GPC3: variants seen among roughly 807,000 people sequenced by gnomAD.
GPC3 encodes glypican-3.
In GPC3, 3 loss-of-function variants were observed where a neutral mutation model predicts 34.4. The observed-to-expected ratio is 0.09, with a 90% CI of 0.04 to 0.23. GPC3 has a LOEUF of 0.23. Ranked by LOEUF, GPC3 falls within the 10% of genes least tolerant of loss-of-function variation. GPC3 has a pLI of 1.00. For synonymous variants in GPC3, 177 were observed against 174.0 expected, an observed-to-expected ratio of 1.02 and a Z score of -0.13; for missense variants, 351 against 445.6, an observed-to-expected ratio of 0.79 and a Z score of 1.91.
chrX:133,902,975 T>C (rs2076151174), intron 2 of GPC3, among the ~76,000 whole-genome samples: 1 of 111,091 alleles, frequency 9.0e-6, no homozygotes, highest in Non-Finnish European at 1.9e-5. Flanking sequence ...CCGGGTGCGG[T>C]AGCCCATGCC....
rs536200945 is a variant in GPC3 at position 133,922,074 on chromosome X, C to T, written c.337+30976G>A. On this transcript the variant is annotated intron_variant, in intron 2 of 7. Coordinates refer to ENST00000370818, the MANE Select transcript of GPC3 (RefSeq NM_004484.4). ...TGGAACAGGAACTTTACCTTTGGGC[C>T]TTGTATACTTCCACTTGGCTTGGTA... 2.7e-5 allele frequency among the ~76,000 whole-genome samples: 3 copies of T among 112,530 alleles called. No individual in the cohort carries two copies. In the Admixed American group the frequency reaches 2.8e-4, roughly 11 times the overall value.
chrX:133,725,404 TC>T (rs1171512598), intron 3 of GPC3, among the ~76,000 whole-genome samples: 3 of 112,346 alleles, frequency 2.7e-5, no homozygotes, highest in Non-Finnish European at 5.6e-5. Flanking sequence ...ATCAGATTCT[TC>T]CCATGTGGGT....
intron 2 of GPC3, among the ~76,000 whole-genome samples, chrX:133,787,443 C>T (rs2124507616): frequency 8.9e-6 from 1 of 112,372 alleles, no homozygotes; most frequent in Non-Finnish European, 1.9e-5. Context: ...AAGGTCTTTA[C>T]TTCTTCTAGC....
chrX:133,736,786 A>G (rs1384018592), intron 3 of GPC3, among the ~76,000 whole-genome samples: 1 of 111,746 alleles, frequency 8.9e-6, no homozygotes, highest in East Asian at 2.8e-4. Flanking sequence ...GGTGATGCAA[A>G]TCTTCTAATA....
intron 4 of GPC3, among the ~76,000 whole-genome samples, chrX:133,699,484 T>C (rs747481026): frequency 1.1e-4 from 12 of 112,005 alleles, no homozygotes; most frequent in African/African-American, 3.9e-4. Flanking sequence ...GTGTAAAGTG[T>C]GCAGTGTCTG....
chrX:133,713,002 C>G (rs1041180364), intron 3 of GPC3, among the ~76,000 whole-genome samples: 3 of 112,385 alleles, frequency 2.7e-5, no homozygotes, highest in South Asian at 3.7e-4. Context: ...ACAAACTCAT[C>G]AAATAAAAGG....
At chrX:133,863,837 A>G (rs1003024694) in intron 2 of GPC3, among the ~76,000 whole-genome samples, 2 of 101,451 alleles carry the variant, frequency 2.0e-5, no homozygotes, top group Non-Finnish European at 4.0e-5. Flanking sequence ...TTGTATTTTT[A>G]GTAGAGACGG....
At chrX:133,948,550 C>T (rs2076379219) in intron 2 of GPC3, among the ~76,000 whole-genome samples, 1 of 111,579 alleles carries the variant, frequency 9.0e-6, no homozygotes, top group African/African-American at 3.3e-5. Flanking sequence ...CAACCTTTTT[C>T]TCCTCTCTGC....
chrX:133,651,507 G>A (rs1450243943), intron 6 of GPC3, among the ~76,000 whole-genome samples: 1 of 111,764 alleles, frequency 8.9e-6, no homozygotes, highest in African/African-American at 3.3e-5. Context: ...AGGCACTCAT[G>A]TTTGTGAATC....
At chrX:133,595,341 A>G (rs2069900887) in intron 7 of GPC3, among the ~76,000 whole-genome samples, 1 of 111,275 alleles carries the variant, frequency 9.0e-6, no homozygotes. Flanking sequence ...TAGTTCTTCC[A>G]TATAGAGCAA....
At chrX:133,905,185 T>C (rs1169031370) in intron 2 of GPC3, among the ~76,000 whole-genome samples, 1 of 112,407 alleles carries the variant, frequency 8.9e-6, no homozygotes, top group Non-Finnish European at 1.9e-5. Flanking sequence ...GTTGAAACCA[T>C]GGAAAGAGTA....
At chrX:133,869,415 T>C (rs2075983863) in intron 2 of GPC3, among the ~76,000 whole-genome samples, 1 of 111,931 alleles carries the variant, frequency 8.9e-6, no homozygotes, top group African/African-American at 3.3e-5. Flanking sequence ...CAGAATCTAG[T>C]GCTAACAGAT....
At chrX:133,638,397 T>A (rs1314200970) in intron 6 of GPC3, among the ~76,000 whole-genome samples, 1 of 111,894 alleles carries the variant, frequency 8.9e-6, no homozygotes, top group Admixed American at 9.5e-5. Flanking sequence ...GAATGAAGTC[T>A]GTTTGTGGTT....
chrX:133,855,216 G>A (rs987861583), intron 2 of GPC3, among the ~76,000 whole-genome samples: 1 of 110,702 alleles, frequency 9.0e-6, no homozygotes, highest in Non-Finnish European at 1.9e-5. Context: ...AGGCTGGAGA[G>A]CAGAGGCACG....
At chrX:133,565,784 T>C (rs2069576822) in intron 7 of GPC3, among the ~76,000 whole-genome samples, 1 of 112,224 alleles carries the variant, frequency 8.9e-6, no homozygotes, top group Non-Finnish European at 1.9e-5. Flanking sequence ...AACTGGGCTA[T>C]GAAATAATTG....
At chrX:133,789,361 A>C (rs1045852506) in intron 2 of GPC3, among the ~76,000 whole-genome samples, 1 of 111,935 alleles carries the variant, frequency 8.9e-6, no homozygotes, top group African/African-American at 3.3e-5. Flanking sequence ...TAATGTAATG[A>C]ACTATTAGAC....
intron 1 of GPC3, among the ~76,000 whole-genome samples, chrX:133,965,720 C>CCTAAATGTTTCTGCCTAATAATAT (rs1357571097): frequency 8.9e-6 from 1 of 111,972 alleles, no homozygotes; most frequent in Admixed American, 9.4e-5. Flanking sequence ...CTCTACCCAA[C>CCTAAATGTTTCTGCCTAATAATAT]CTAAATGTTT....
chrX:133,625,208 C>T (rs916572541), intron 6 of GPC3, among the ~76,000 whole-genome samples: 1 of 111,726 alleles, frequency 9.0e-6, no homozygotes, highest in Non-Finnish European at 1.9e-5. Flanking sequence ...CAGCCAATAT[C>T]ATACTGAATG....
chrX:133,881,764 C>G (rs903582124), intron 2 of GPC3, among the ~76,000 whole-genome samples: 2 of 112,124 alleles, frequency 1.8e-5, no homozygotes, highest in African/African-American at 6.5e-5. Context: ...ACATTTTTGT[C>G]AAAGAGCAAG....
Sources: allele counts gnomAD v4.1 joint callset (sites outside exome capture counted in the v4.1 genomes callset), GRCh38; gene constraint gnomAD v4.1.1; transcripts MANE v1.5; gene names NCBI Gene and HGNC (gene_info 2026-07-23, HGNC 2026-07-21).